Variants in TMEM54 observed in about 807,000 individuals in gnomAD.
TMEM54 encodes the protein beta-casein-like protein.
A neutral mutation model predicts 21.3 loss-of-function variants in TMEM54; 21 were observed. The ratio of observed to expected loss-of-function variants is 0.99; its 90% CI spans 0.70 to 1.42. The LOEUF (loss-of-function observed/expected upper bound fraction) is 1.42, where lower values mean the gene tolerates loss of function less well. Among genes scored for constraint, TMEM54 ranks in the 40% most tolerant of loss-of-function variants. TMEM54 has a pLI of 0.00. For synonymous variants in TMEM54, 109 were observed against 125.0 expected, an observed-to-expected ratio of 0.87 and a Z score of 0.86; for missense variants, 246 against 294.0, an observed-to-expected ratio of 0.84 and a Z score of 1.19.
chr1:32,898,092 C>G, intron 2 of TMEM54, 34 bp downstream of exon 2: 1 of 1,569,686 alleles, frequency 6.4e-7, no homozygotes, highest in Non-Finnish European at 8.7e-7. Context: ...CCTCCAGCCT[C>G]CTCCCACCAA....
chr1:32,894,963 T>C, intron 5 of TMEM54, 84 bp from the exon 6 acceptor site: 1 of 1,557,320 alleles, frequency 6.4e-7, no homozygotes, highest in South Asian at 1.2e-5. Flanking sequence ...TGGAAGGAGG[T>C]GAGGGCTGGA....
In TMEM54 at chr1:32,894,692, C is replaced by T; in HGVS notation, c.*113G>A. The stretch of plus-strand genomic sequence containing the variant: ...GAGGGTTGAAAGCCCCACTTGGGTC[C>T]CCGAGGGTCCATTGAGCCCTCTCAG... On this transcript the variant is annotated 3_prime_UTR_variant, in exon 6 of 6. Transcript: ENST00000373463. 1.4e-6 allele frequency: 2 copies of T among 1,459,052 alleles called. No homozygotes were observed. The highest frequency in any genetic ancestry group is 1.9e-6 in the Non-Finnish European group (2 of 1,070,990). 90.4% of individuals were successfully genotyped at this position (1,459,052 alleles called of 1,614,324 possible).
In TMEM54 at chr1:32,895,630, C is replaced by G. The variant is rs776137703; in HGVS notation, c.384G>C (p.Leu128=). Residue 128 remains leucine, a synonymous_variant, in exon 4 of 6, where the codon CTG becomes CTC. Coordinates refer to ENST00000373463, the MANE Select transcript of TMEM54 (RefSeq NM_033504.4). This position sits in a 1 kb window ranked among gnomAD's most constrained non-coding sequence, Gnocchi z 5.8. Reference sequence around the variant, plus strand: ...CAGAGCTCCCAAAAGTGCAGGCAGCCAGCAGTGCCTTGCCCTGGGTGGCAA... The same window carrying G: ...CAGAGCTCCCAAAAGTGCAGGCAGCGAGCAGTGCCTTGCCCTGGGTGGCAA... ...MTFATQGKAL[L]AACTFGSSEL... is the part of the protein sequence containing the mutation. 6.4e-7 allele frequency: 1 copy of G among 1,569,540 alleles called. No homozygotes were observed. The highest frequency in any genetic ancestry group is 1.3e-5 in the African/African-American group (1 of 74,388).
chr1:32,897,165 G>A lies in TMEM54; in HGVS notation c.210+961C>T, dbSNP rs1359102461. ...AACTCCAAGGACCCTGCACACATCCGCCCATCCCAGCCCTGTCCCACCAAC... is the reference window on the plus strand; with the variant it reads ...AACTCCAAGGACCCTGCACACATCCACCCATCCCAGCCCTGTCCCACCAAC... On this transcript the variant is annotated intron_variant, in intron 2 of 5. Coordinates refer to ENST00000373463, the MANE Select transcript of TMEM54 (RefSeq NM_033504.4). This position sits in a 1 kb window ranked among gnomAD's most constrained non-coding sequence, Gnocchi z 4.9. Among the ~76,000 whole-genome samples, 2 of 152,080 alleles carry A rather than the reference G, an allele frequency of 1.3e-5. No homozygotes were observed. Among genetic ancestry groups the A allele is most frequent in the East Asian group, 1.9e-4 (1 of 5,184 alleles).
At chr1:32,900,785 T>C (rs1374417477) in intron 1 of TMEM54, among the ~76,000 whole-genome samples, 1 of 152,222 alleles carries the variant, frequency 6.6e-6, no homozygotes, top group African/African-American at 2.4e-5. Flanking sequence ...CTGATCCTTT[T>C]TGCCCACGGC....
chr1:32,899,309 T>C (rs765035064), intron 1 of TMEM54, among the ~76,000 whole-genome samples: 1 of 151,184 alleles, frequency 6.6e-6, no homozygotes, highest in Non-Finnish European at 1.5e-5. Flanking sequence ...GGGATGTGAC[T>C]CTGAGTCCCT....
chr1:32,901,125 G>A lies in TMEM54; in HGVS notation c.16+98C>T. ...TAGTAAGTTAGAGGCAGAGCAGGTGGCCTGGCCCCCTGGGGGCTCGGGTTC... is the reference window on the plus strand; with the variant it reads ...TAGTAAGTTAGAGGCAGAGCAGGTGACCTGGCCCCCTGGGGGCTCGGGTTC... On this transcript the variant is annotated intron_variant, in intron 1 of 5. Coordinates refer to ENST00000373463, the MANE Select transcript of TMEM54 (RefSeq NM_033504.4). This position sits in a 1 kb window ranked among gnomAD's most constrained non-coding sequence, Gnocchi z 4.2. 2.3e-6 allele frequency: 3 copies of A among 1,280,636 alleles called. No homozygotes were observed. The highest frequency in any genetic ancestry group is 3.0e-6 in the Non-Finnish European group (3 of 985,318). The allele number at this position is 1,280,636 out of a possible 1,614,324, so 79.3% of individuals were successfully genotyped here. A position where few individuals can be genotyped will look rare whatever the true frequency, so the allele number is the denominator to read the frequency against.
Position 32,901,130 on chromosome 1 carries a change from GC to G in TMEM54, c.16+92del. 3.8e-6 allele frequency: 5 copies of G among 1,300,972 alleles called. No homozygotes were observed. Among genetic ancestry groups the G allele is most frequent in the South Asian group, 2.2e-5 (1 of 44,522 alleles). The allele number at this position is 1,300,972 out of a possible 1,614,324, so 80.6% of individuals were successfully genotyped here. On this transcript the variant is annotated intron_variant, in intron 1 of 5. Transcript: ENST00000373463. The surrounding 1 kb of genome is among the most constrained non-coding windows in gnomAD (Gnocchi z 4.2). ...AGTTAGAGGCAGAGCAGGTGGCCTGGCCCCCTGGGGGCTCGGGTTCCGGGCT... is the reference window on the plus strand; with the variant it reads ...AGTTAGAGGCAGAGCAGGTGGCCTGGCCCCTGGGGGCTCGGGTTCCGGGCT...
chr1:32,895,513 G>A lies in TMEM54; in HGVS notation c.459+42C>T, dbSNP rs763908661. ...TGGATTCCAAGAGCCCTTCCCACCC[G>A]TGCGAGGGCCTGGTGCCCCTACTCC... On this transcript the variant is annotated intron_variant, in intron 4 of 5. Coordinates refer to ENST00000373463, the MANE Select transcript of TMEM54 (RefSeq NM_033504.4). This position sits in a 1 kb window ranked among gnomAD's most constrained non-coding sequence, Gnocchi z 5.8. The A allele has an allele frequency of 1.9e-5, 31 of 1,591,426 alleles. 1 individual carries two copies. The highest frequency in any genetic ancestry group is 1.7e-4 in the Middle Eastern group (1 of 6,042).
chr1:32,900,896 T>C (rs999824491), intron 1 of TMEM54, among the ~76,000 whole-genome samples: 1 of 151,876 alleles, frequency 6.6e-6, no homozygotes, highest in Admixed American at 6.5e-5. Context: ...CTGGGTAAGA[T>C]GGGGCTGCTC....
At chr1:32,900,714 A>G (rs1483040269) in intron 1 of TMEM54, among the ~76,000 whole-genome samples, 4 of 152,192 alleles carry the variant, frequency 2.6e-5, no homozygotes, top group Non-Finnish European at 5.9e-5. Context: ...GCTGCCCACA[A>G]GCAGCATCAC....
intron 1 of TMEM54, among the ~76,000 whole-genome samples, chr1:32,900,939 G>T (rs2124059739): frequency 6.6e-6 from 1 of 152,330 alleles, no homozygotes; most frequent in South Asian, 2.1e-4. Flanking sequence ...CCACCCGGGG[G>T]TCCCCGAGGG....
In TMEM54 at chr1:32,898,324, G is replaced by T. The variant is rs2274063; in HGVS notation, c.17-5C>A. On this transcript the variant is annotated splice_region_variant and splice_polypyrimidine_tract_variant and intron_variant, in intron 1 of 5. Transcript: ENST00000373463. ...AGTCGCCCACACTCAGGCCTCCTGTGGGGGACAGCTATGTCAGGGCTGTGC... is the reference window on the plus strand; with the variant it reads ...AGTCGCCCACACTCAGGCCTCCTGTTGGGGACAGCTATGTCAGGGCTGTGC... 1.9e-3 allele frequency: 3,082 copies of T among 1,595,364 alleles called. 64 individuals are homozygous for T. The East Asian group carries it at 0.04, about 21-fold the overall frequency.
Position 32,895,538 on chromosome 1 carries a change from C to G in TMEM54, c.459+17G>C, listed in dbSNP as rs1641569724. ...GTGCGAGGGCCTGGTGCCCCTACTC[C>G]AGGCCTAGGTACTCACATAAATGCG... On this transcript the variant is annotated intron_variant, in intron 4 of 5. Transcript: ENST00000373463. This position sits in a 1 kb window ranked among gnomAD's most constrained non-coding sequence, Gnocchi z 5.8. 1.3e-6 allele frequency: 2 copies of G among 1,590,466 alleles called. No homozygotes were observed. Among genetic ancestry groups the G allele is most frequent in the Non-Finnish European group, 8.6e-7 (1 of 1,167,046 alleles).
chr1:32,898,018 C>A, intron 2 of TMEM54, 108 bp downstream of exon 2: 1 of 1,085,544 alleles, frequency 9.2e-7, no homozygotes, highest in Non-Finnish European at 1.3e-6. Flanking sequence ...AGGGTTAGTC[C>A]TTGAGGCTGT....
rs907705778 is a variant in TMEM54, at chr1:32,895,001, C to T, written c.595-122G>A. On this transcript the variant is annotated intron_variant, in intron 5 of 5. Transcript: ENST00000373463. This position sits in a 1 kb window ranked among gnomAD's most constrained non-coding sequence, Gnocchi z 5.8. ...GCTCTCTGGGGGCAAAGGGGCATCA[C>T]TACCCACTCCACTGCAAGAGCCAGG... is the stretch of plus-strand genomic sequence containing the variant. The T allele has an allele frequency of 1.3e-5, 19 of 1,482,666 alleles. No homozygotes were observed. The highest frequency in any genetic ancestry group is 5.4e-6 in the Non-Finnish European group (6 of 1,108,436). The allele number at this position is 1,482,666 out of a possible 1,614,324, so 91.8% of individuals were successfully genotyped here. A position where few individuals can be genotyped will look rare whatever the true frequency, so the allele number is the denominator to read the frequency against.
rs1363819599 is a variant in TMEM54 at position 32,895,502 on chromosome 1, C to T, written c.459+53G>A. On this transcript the variant is annotated intron_variant, in intron 4 of 5. Coordinates refer to ENST00000373463, the MANE Select transcript of TMEM54 (RefSeq NM_033504.4). This position sits in a 1 kb window ranked among gnomAD's most constrained non-coding sequence, Gnocchi z 5.8. ...GGGGTGGAGGGTGGATTCCAAGAGCCCTTCCCACCCGTGCGAGGGCCTGGT... is the reference window on the plus strand; with the variant it reads ...GGGGTGGAGGGTGGATTCCAAGAGCTCTTCCCACCCGTGCGAGGGCCTGGT... 1.3e-6 allele frequency: 2 copies of T among 1,591,370 alleles called. No homozygotes were observed. The highest frequency in any genetic ancestry group is 1.7e-6 in the Non-Finnish European group (2 of 1,165,642).
rs941187948 is a variant in TMEM54 at position 32,898,230 on chromosome 1, C to A, written c.106G>T (p.Ala36Ser). 1 of 1,613,688 alleles carries A rather than the reference C, an allele frequency of 6.2e-7. No individual in the cohort carries two copies. The change falls in exon 2 of 6, where the codon GCC becomes TCC. Residue 36 changes from alanine (A) to serine (S), a missense_variant. Ala to Ser is a moderately conservative substitution (Grantham distance 99). Transcript: ENST00000373463. ...CGCAGCACTGTGCCATGGAACAGGG[C>A]AGCTGTGATGAAGCTCACATGGCCC... The part of the protein sequence containing the change: ...VLGHVSFITA[A>S]LFHGTVLRYV...
rs1485154103 is a variant in TMEM54 at position 32,895,019 on chromosome 1, G to A, written c.595-140C>T. On this transcript the variant is annotated intron_variant, in intron 5 of 5. Transcript: ENST00000373463. The surrounding 1 kb of genome is among the most constrained non-coding windows in gnomAD (Gnocchi z 5.8). The stretch of plus-strand genomic sequence containing the variant: ...GGCATCACTACCCACTCCACTGCAA[G>A]AGCCAGGCCTGACCTTTGCAATGCC... 6.9e-7 allele frequency: 1 copy of A among 1,459,312 alleles called. No individual in the cohort carries two copies. 90.4% of individuals were successfully genotyped at this position (1,459,312 alleles called of 1,614,324 possible).
Sources: gnomAD v4.1 joint callset for allele counts (sites outside exome capture counted in the v4.1 genomes callset) on GRCh38, gnomAD v4.1.1 for gene constraint, Gnocchi (gnomAD v3.1) non-coding constraint, MANE v1.5 for transcripts, NCBI Gene and HGNC (gene_info 2026-07-23, HGNC 2026-07-21) for gene names.